The following SYT17 variants were observed in gnomAD, a reference collection of about 807,000 sequenced individuals.
SYT17 encodes synaptotagmin 17.
In SYT17, 22 loss-of-function variants were observed where a neutral mutation model predicts 46.7. The observed-to-expected ratio is 0.47, with a 90% confidence interval of 0.34 to 0.67. The LOEUF is 0.67. SYT17 is among the 30% of genes least tolerant of loss of function. The probability of loss-of-function intolerance (pLI) is 0.01; values close to 1 mark genes in which losing one functional copy is unlikely to be tolerated. For missense variants in SYT17, 519 were observed against 612.8 expected (o/e 0.85, Z 1.62); for synonymous variants, 251 against 248.4 (o/e 1.01, Z -0.10).
chr16:19,260,105 T>A (rs1968856627), intron 7 of SYT17, among the ~76,000 whole-genome samples: 1 of 152,022 alleles, frequency 6.6e-6, no homozygotes, highest in African/African-American at 2.4e-5. Flanking sequence ...CAATAAAGGT[T>A]TGTGGACACC....
intron 7 of SYT17, among the ~76,000 whole-genome samples, chr16:19,229,680 G>A (rs1357586038): frequency 6.6e-6 from 1 of 152,204 alleles, no homozygotes; most frequent in Non-Finnish European, 1.5e-5. Flanking sequence ...AATAGAATTA[G>A]CATGTGATCT....
intron 5 of SYT17, among the ~76,000 whole-genome samples, chr16:19,187,865 A>G (rs1348415705): frequency 1.3e-5 from 2 of 152,218 alleles, no homozygotes; most frequent in Admixed American, 6.5e-5. Context: ...AGAAAAAGGA[A>G]CGCTTATACA....
In SYT17 at chr16:19,223,125, A is replaced by G; in HGVS notation, c.1032A>G (p.Arg344=). The change falls in exon 6 of 8, where the codon CGA becomes CGG. Residue 344 remains arginine, a synonymous_variant. Transcript: ENST00000355377. Reference sequence around the variant, plus strand: ...GCAGACTGAATGTTGATGTCATTCGAGCCAAGCAACTTCTTCAGACAGATG... The same window carrying G: ...GCAGACTGAATGTTGATGTCATTCGGGCCAAGCAACTTCTTCAGACAGATG... ...SAGRLNVDVI[R]AKQLLQTDVS... is the part of the protein sequence containing the mutation. The G allele has an allele frequency of 6.2e-7, 1 of 1,613,964 alleles. No individual in the cohort carries two copies. The highest frequency in any genetic ancestry group is 1.3e-5 in the African/African-American group (1 of 75,020).
chr16:19,188,927 C>T (rs1221139147), intron 5 of SYT17, among the ~76,000 whole-genome samples: 1 of 152,154 alleles, frequency 6.6e-6, no homozygotes, highest in Non-Finnish European at 1.5e-5. Flanking sequence ...TGCTCTGTCG[C>T]CCAGGCTGGA....
At chr16:19,206,065 T>C (rs1404577736) in intron 5 of SYT17, among the ~76,000 whole-genome samples, 1 of 151,962 alleles carries the variant, frequency 6.6e-6, no homozygotes, top group Non-Finnish European at 1.5e-5. Flanking sequence ...ATAAAGAAAG[T>C]ATATTTGGGT....
intron 3 of SYT17, 28 bp from the exon 4 acceptor site, chr16:19,180,363 G>C (rs1964496417): frequency 1.2e-6 from 2 of 1,612,484 alleles, no homozygotes; most frequent in African/African-American, 1.3e-5. Context: ...TTCCTGGACA[G>C]CTACTGAGAC....
intron 7 of SYT17, among the ~76,000 whole-genome samples, chr16:19,239,548 C>T (rs1270042508): frequency 6.6e-6 from 1 of 152,186 alleles, no homozygotes; most frequent in Non-Finnish European, 1.5e-5. Context: ...CAGGGTTGTT[C>T]ATGCAGTATT....
Position 19,180,431 on chromosome 16 carries a change from C to T in SYT17, c.223C>T (p.His75Tyr). The T allele has an allele frequency of 6.2e-7, 1 of 1,614,174 alleles. No homozygotes were observed. Among genetic ancestry groups the T allele is most frequent in the Non-Finnish European group, 8.5e-7 (1 of 1,180,022 alleles). The change falls in exon 4 of 8, where the codon CAC becomes TAC. Residue 75 changes from histidine to tyrosine, a missense_variant. By Grantham distance (83) the His-to-Tyr change is moderately conservative (BLOSUM62 2). Coordinates refer to ENST00000355377, the MANE Select transcript of SYT17 (RefSeq NM_016524.4). ...CAGTGACAAGGATGGTGACTCTGTCCACACGGCCAGCGAAGTCCCGCTGAC... is the reference window on the plus strand; with the variant it reads ...CAGTGACAAGGATGGTGACTCTGTCTACACGGCCAGCGAAGTCCCGCTGAC... ...RSSDKDGDSV[H>Y]TASEVPLTPR...
At chr16:19,209,008 C>T (rs972601272) in intron 5 of SYT17, among the ~76,000 whole-genome samples, 7 of 143,348 alleles carry the variant, frequency 4.9e-5, no homozygotes, top group African/African-American at 1.8e-4. Flanking sequence ...GCTGGGATTA[C>T]AGACACCCAC....
intron 7 of SYT17, among the ~76,000 whole-genome samples, chr16:19,231,915 C>G (rs1475407831): frequency 6.6e-6 from 1 of 152,172 alleles, no homozygotes; most frequent in East Asian, 1.9e-4. Context: ...GGTCTAAGGG[C>G]TCTGAAGGAG....
intron 5 of SYT17, among the ~76,000 whole-genome samples, chr16:19,205,366 T>C (rs534026828): frequency 2.0e-5 from 3 of 152,212 alleles, no homozygotes; most frequent in Admixed American, 6.5e-5. Flanking sequence ...CTTGGAATGC[T>C]GTCCCCCCAG....
chr16:19,200,230 G>T (rs1965408166), intron 5 of SYT17, among the ~76,000 whole-genome samples: 1 of 152,204 alleles, frequency 6.6e-6, no homozygotes, highest in Non-Finnish European at 1.5e-5. Flanking sequence ...AATACAACAT[G>T]GGCTGCATAT....
At chr16:19,249,101 C>T (rs57529393) in intron 7 of SYT17, among the ~76,000 whole-genome samples, 6,989 of 151,826 alleles carry the variant, frequency 0.046, 706 homozygotes, top group East Asian at 0.33. Flanking sequence ...GGTGAAACCC[C>T]GTCTCTACTA....
intron 7 of SYT17, chr16:19,249,966 C>A (rs1354968730): frequency 3.3e-6 from 5 of 1,535,922 alleles, no homozygotes; most frequent in Middle Eastern, 1.7e-4. Flanking sequence ...TACCAGCCTG[C>A]GAACTGAGTA....
intron 7 of SYT17, among the ~76,000 whole-genome samples, chr16:19,236,198 C>A (rs1046144607): frequency 1.3e-5 from 2 of 152,186 alleles, no homozygotes; most frequent in African/African-American, 4.8e-5. Flanking sequence ...CCAGAGCTGG[C>A]TTCTGTGTGA....
intron 4 of SYT17, among the ~76,000 whole-genome samples, chr16:19,181,502 A>G (rs528210084): frequency 6.6e-6 from 1 of 152,214 alleles, no homozygotes; most frequent in Non-Finnish European, 1.5e-5. Flanking sequence ...AGGGCATGAA[A>G]TAGTGAAACA....
Position 19,183,802 on chromosome 16 carries a change from C to T in SYT17, c.606C>T (p.Thr202=), listed in dbSNP as rs368932832. Residue 202 remains threonine, a synonymous_variant, in exon 5 of 8, where the codon ACC becomes ACT. Transcript: ENST00000355377. The surrounding 1 kb of genome is among the most constrained non-coding windows in gnomAD (Gnocchi z 5.6). ...ACGACCTGCTGCACAACCACCTCAC[C>T]GTGCGCGTGATCGAGGCCAGGGACC... ...TQYDLLHNHL[T]VRVIEARDLP... 1.5e-4 allele frequency: 236 copies of T among 1,614,064 alleles called. No homozygotes were observed. The highest frequency in any genetic ancestry group is 1.8e-4 in the Non-Finnish European group (215 of 1,180,054).
At chr16:19,219,443 A>T (rs1275529498) in intron 5 of SYT17, among the ~76,000 whole-genome samples, 1 of 6,104 alleles carries the variant, frequency 1.6e-4, no homozygotes, top group Non-Finnish European at 2.4e-4. Context: ...AAAAAAAAAA[A>T]AAATAATAAT....
intron 5 of SYT17, among the ~76,000 whole-genome samples, chr16:19,185,177 C>T (rs1210307390): frequency 6.6e-6 from 1 of 152,088 alleles, no homozygotes; most frequent in Non-Finnish European, 1.5e-5. Flanking sequence ...TTCCTCCCTC[C>T]CCTCCTCCCC....
Sources: allele counts gnomAD v4.1 joint callset (sites outside exome capture counted in the v4.1 genomes callset), GRCh38; gene constraint gnomAD v4.1.1; non-coding constraint Gnocchi (gnomAD v3.1); transcripts MANE v1.5; gene names NCBI Gene and HGNC (gene_info 2026-07-23, HGNC 2026-07-21).